The following FBLIM1 variants were observed in gnomAD, a reference collection of about 807,000 sequenced individuals.
The protein encoded by FBLIM1 is filamin-binding LIM protein 1.
In FBLIM1, 29 loss-of-function variants were observed where a neutral mutation model predicts 37.4. That is an observed-to-expected ratio of 0.77 (90% CI 0.58 to 1.06). FBLIM1 has a LOEUF of 1.06. FBLIM1 is among the 50% of genes least tolerant of loss of function. The pLI, the probability that FBLIM1 is intolerant of heterozygous loss-of-function variation, is 0.00. For missense variants in FBLIM1, 449 were observed against 505.6 expected (o/e 0.89, Z 1.07); for synonymous variants, 193 against 199.0 (o/e 0.97, Z 0.25).
chr1:15,772,821 G>GTT (rs757622657), intron 6 of FBLIM1, among the ~76,000 whole-genome samples: 10 of 152,028 alleles, frequency 6.6e-5, no homozygotes, highest in Admixed American at 3.9e-4. Flanking sequence ...ATTAAAATAT[G>GTT]TTTTTAAAGA....
At chr1:15,773,674 C>T (rs1225660975) in intron 6 of FBLIM1, among the ~76,000 whole-genome samples, 6 of 121,216 alleles carry the variant, frequency 4.9e-5, no homozygotes, top group African/African-American at 1.5e-4. Context: ...AGCAAAACTC[C>T]GTCTCAGAAA....
At chr1:15,767,689 G>A in intron 4 of FBLIM1, 126 bp downstream of exon 4, 1 of 495,360 alleles carries the variant, frequency 2.0e-6, no homozygotes, top group East Asian at 3.5e-5. Flanking sequence ...TTCTGCTCGG[G>A]GGCAGTCCCT....
At chr1:15,770,285 T>A in intron 5 of FBLIM1, 124 bp from the exon 6 acceptor site, 1 of 1,000,490 alleles carries the variant, frequency 1.0e-6, no homozygotes, top group Non-Finnish European at 1.5e-6. Flanking sequence ...CCTCTGTATT[T>A]GTCATTTGAG....
chr1:15,784,404 A>C, intron 8 of FBLIM1, 144 bp from the exon 9 acceptor site: 1 of 601,830 alleles, frequency 1.7e-6, no homozygotes. Flanking sequence ...TTGGGAGGGC[A>C]GCAGTGAGCA....
intron 4 of FBLIM1, 52 bp from the exon 5 acceptor site, chr1:15,768,475 TG>T: frequency 7.9e-7 from 1 of 1,273,576 alleles, no homozygotes. Flanking sequence ...GGAACAGAGC[TG>T]GGAGGGCTGC....
intron 8 of FBLIM1, among the ~76,000 whole-genome samples, chr1:15,780,899 CA>C (rs2069617532): frequency 6.6e-6 from 1 of 152,090 alleles, no homozygotes; most frequent in Non-Finnish European, 1.5e-5. Context: ...TTTGAAAGCC[CA>C]GTGAGGAAGT....
chr1:15,770,599 C>T (rs745919198), intron 6 of FBLIM1, 21 bp downstream of exon 6: 3 of 1,611,388 alleles, frequency 1.9e-6, no homozygotes, highest in South Asian at 2.2e-5. Context: ...CAGCAGACCT[C>T]TGGGTGCCAG....
chr1:15,777,660 A>C (rs1395210902), intron 8 of FBLIM1, among the ~76,000 whole-genome samples: 1 of 144,040 alleles, frequency 6.9e-6, no homozygotes, highest in East Asian at 2.0e-4. Context: ...TGCAACCTCT[A>C]CCTCCAGGGT....
At chr1:15,764,165 C>T (rs557191474) in intron 1 of FBLIM1, among the ~76,000 whole-genome samples, 12 of 152,250 alleles carry the variant, frequency 7.9e-5, no homozygotes, top group Non-Finnish European at 4.4e-5. Context: ...TGAGAAAGGT[C>T]AGAGCAGAGC....
upstream of FBLIM1, among the ~76,000 whole-genome samples, chr1:15,757,511 G>T (rs2068471266): frequency 6.6e-6 from 1 of 152,132 alleles, no homozygotes; most frequent in Non-Finnish European, 1.5e-5. The surrounding 1 kb of genome is among the most constrained non-coding windows in gnomAD (Gnocchi z 4.1). Context: ...AGGATCAAAT[G>T]GGAAAAGGGG....
chr1:15,780,463 G>T (rs1389496680), intron 8 of FBLIM1, among the ~76,000 whole-genome samples: 1 of 152,228 alleles, frequency 6.6e-6, no homozygotes, highest in Non-Finnish European at 1.5e-5. Context: ...GCCTCCCAAA[G>T]TGCTGGGTGG....
rs1429961765 is a variant in FBLIM1, at chr1:15,784,849, T to C, written c.*188T>C. The C allele has an allele frequency of 2.1e-6, 1 of 480,178 alleles. No individual in the cohort carries two copies. The highest frequency in any genetic ancestry group is 3.8e-6 in the Non-Finnish European group (1 of 265,516). The allele number at this position is 480,178 out of a possible 1,614,324, so 29.7% of individuals were successfully genotyped here. ...CCCCAGGCCTTCCACTCCTCTACCC[T>C]CTGGGCACCAGAAGGCTCCTGGACC... On this transcript the variant is annotated 3_prime_UTR_variant, in exon 9 of 9. Coordinates refer to ENST00000375766, the MANE Select transcript of FBLIM1 (RefSeq NM_017556.4).
chr1:15,781,924 T>G (rs2069654242), intron 8 of FBLIM1, among the ~76,000 whole-genome samples: 1 of 151,656 alleles, frequency 6.6e-6, no homozygotes, highest in Non-Finnish European at 1.5e-5. Context: ...TTCACTGTGT[T>G]AGCCAGGATG....
rs2148674358 is a variant in FBLIM1, at chr1:15,786,318, T to C, written c.*1657T>C. 6.6e-6 allele frequency: 1 copy of C among 152,266 alleles called. No homozygotes were observed. Among genetic ancestry groups the C allele is most frequent in the South Asian group, 2.1e-4 (1 of 4,822 alleles). 9.4% of individuals were successfully genotyped at this position (152,266 alleles called of 1,614,324 possible). ...GCCGTGCACTGGGCAGGCTTCTCTG[T>C]AGAACCCCAGGGGCTTCGGCCCAGA... On this transcript the variant is annotated 3_prime_UTR_variant, in exon 9 of 9. Transcript: ENST00000375766.
intron 5 of FBLIM1, 34 bp from the exon 6 acceptor site, chr1:15,770,375 G>T (rs1298540281): frequency 2.5e-6 from 4 of 1,601,866 alleles, no homozygotes; most frequent in South Asian, 1.1e-5. Flanking sequence ...CTCACAGGCT[G>T]GGCTGGTGAT....
At chr1:15,779,137 T>C (rs187237547) in intron 8 of FBLIM1, among the ~76,000 whole-genome samples, 2 of 151,954 alleles carry the variant, frequency 1.3e-5, no homozygotes, top group Admixed American at 6.6e-5. Flanking sequence ...TGTTTCTCCA[T>C]GTTGGCCAGG....
chr1:15,770,634 T>C, intron 6 of FBLIM1, 56 bp downstream of exon 6: 1 of 1,578,474 alleles, frequency 6.3e-7, no homozygotes, highest in South Asian at 1.1e-5. Flanking sequence ...ACTTAGAATA[T>C]GTTGCACCAT....
chr1:15,780,901 G>C (rs2069617601), intron 8 of FBLIM1, among the ~76,000 whole-genome samples: 1 of 152,160 alleles, frequency 6.6e-6, no homozygotes, highest in Non-Finnish European at 1.5e-5. Context: ...TGAAAGCCCA[G>C]TGAGGAAGTT....
chr1:15,777,240 A>G lies in FBLIM1; in HGVS notation c.961A>G (p.Ile321Val), dbSNP rs771341375. The G allele has an allele frequency of 2.5e-6, 4 of 1,613,406 alleles. No individual in the cohort carries two copies. The highest frequency in any genetic ancestry group is 3.3e-5 in the Admixed American group (2 of 59,960). The change falls in exon 8 of 9, where the codon ATC becomes GTC. Residue 321 changes from isoleucine (I) to valine (V), a missense_variant. Physicochemically the swap from Ile to Val is conservative, Grantham distance 29 (BLOSUM62 3). Transcript: ENST00000375766. ...IPRDGKDAFK[I>V]ECMGRNFHEN... ...TCGGGATGGGAAAGATGCCTTCAAA[A>G]TCGAATGCATGGGAAGAAACTTCCA... is the stretch of plus-strand genomic sequence containing the variant.
Sources: allele counts gnomAD v4.1 joint callset (sites outside exome capture counted in the v4.1 genomes callset), GRCh38; gene constraint gnomAD v4.1.1; non-coding constraint Gnocchi (gnomAD v3.1); transcripts MANE v1.5; gene names NCBI Gene and HGNC (gene_info 2026-07-23, HGNC 2026-07-21).